Variants in ZNF540 observed in about 807,000 individuals in gnomAD.
ZNF540 encodes the protein zinc finger protein 540, also known as CTD-3064H18.6.
In ZNF540, 3 loss-of-function variants were observed where a neutral mutation model predicts 11.8. That is an observed-to-expected ratio of 0.25 (90% confidence interval 0.12 to 0.65). The LOEUF (loss-of-function observed/expected upper bound fraction) is 0.65, where lower values mean the gene tolerates loss of function less well. Among genes scored for constraint, ZNF540 ranks in the 30% least tolerant of loss-of-function variants. ZNF540 has a pLI of 0.83. For missense variants in ZNF540, 709 were observed against 793.1 expected, an observed-to-expected ratio of 0.89 and a Z score of 1.27; for synonymous variants, 247 against 259.0, an observed-to-expected ratio of 0.95 and a Z score of 0.45.
intron 4 of ZNF540, among the ~76,000 whole-genome samples, chr19:37,602,793 T>C (rs1234374955): frequency 6.6e-6 from 1 of 152,102 alleles, no homozygotes; most frequent in Non-Finnish European, 1.5e-5. Context: ...CTATAGGATA[T>C]GGCAGGAAAG....
At position 37,612,874 on chromosome 19, in the gene ZNF540, T is replaced by A; in HGVS notation, c.1594T>A (p.Phe532Ile). 1 of 1,614,116 alleles carries A rather than the reference T, an allele frequency of 6.2e-7. No homozygotes were observed. Among genetic ancestry groups the A allele is most frequent in the Non-Finnish European group, 8.5e-7 (1 of 1,179,996 alleles). ...TAAATGTAAAGAATGTGGAAAGGCC[T>A]TTATTCGTAGAGGGAATCTTAAAGA... ...PYKCKECGKAFIRRGNLKEHL... is the reference protein window; with the variant it reads ...PYKCKECGKAIIRRGNLKEHL... The change falls in exon 5 of 5, where the codon TTT (phenylalanine) becomes ATT (isoleucine). Residue 532 changes from phenylalanine (F) to isoleucine (I), a missense_variant. Coordinates refer to ENST00000316433, the MANE Select transcript of ZNF540 (RefSeq NM_001172225.3).
intron 1 of ZNF540, chr19:37,586,414 G>T: frequency 3.8e-6 from 2 of 523,520 alleles, no homozygotes; most frequent in Non-Finnish European, 6.7e-6. Context: ...TGTTCCCTCA[G>T]AGCTCTGGGC....
At chr19:37,588,099 CAAAAAAAAAAAAAA>C (rs58516591) in intron 1 of ZNF540, among the ~76,000 whole-genome samples, 2 of 45,742 alleles carry the variant, frequency 4.4e-5, no homozygotes, top group East Asian at 5.6e-4. Flanking sequence ...GACTCCATCT[CAAAAAAAAAAAAAA>C]AAAAAAAAAA....
At chr19:37,587,496 T>C (rs969077952) in intron 1 of ZNF540, 3 of 152,244 alleles carry the variant, frequency 2.0e-5, no homozygotes, top group Admixed American at 1.3e-4. Flanking sequence ...TGACAGCCAA[T>C]GTGCGCACAG....
At chr19:37,573,134 TC>T (rs1324467128) in intron 1 of ZNF540, among the ~76,000 whole-genome samples, 5 of 136,532 alleles carry the variant, frequency 3.7e-5, no homozygotes, top group Non-Finnish European at 7.0e-5. Context: ...CTCTTCCAAC[TC>T]TTTTTTTTTT....
intron 4 of ZNF540, among the ~76,000 whole-genome samples, chr19:37,604,452 T>C (rs2044067023): frequency 6.6e-6 from 1 of 151,600 alleles, no homozygotes; most frequent in Admixed American, 6.6e-5. Context: ...GGACTACAGG[T>C]GCCCACCACC....
At chr19:37,577,452 G>C (rs2043281715) in intron 1 of ZNF540, among the ~76,000 whole-genome samples, 1 of 152,012 alleles carries the variant, frequency 6.6e-6, no homozygotes, top group Non-Finnish European at 1.5e-5. Flanking sequence ...ATAGGAGAAG[G>C]GAATTTCTTC....
chr19:37,598,044 T>C (rs2044009869), intron 1 of ZNF540, among the ~76,000 whole-genome samples: 1 of 152,330 alleles, frequency 6.6e-6, no homozygotes, highest in Non-Finnish European at 1.5e-5. Context: ...CCCCTTTGGA[T>C]GGTGAGAATT....
At chr19:37,605,334 C>G (rs745929135) in intron 4 of ZNF540, among the ~76,000 whole-genome samples, 1 of 151,236 alleles carries the variant, frequency 6.6e-6, no homozygotes, top group African/African-American at 2.4e-5. Flanking sequence ...GTGGTACACA[C>G]CTGTAAAAAC....
intron 1 of ZNF540, among the ~76,000 whole-genome samples, chr19:37,566,674 C>T (rs761696425): frequency 4.6e-5 from 7 of 152,130 alleles, no homozygotes; most frequent in Non-Finnish European, 8.8e-5. Flanking sequence ...CCTCTACTAC[C>T]ACCATCCTAG....
In ZNF540 at chr19:37,611,402, T is replaced by C. The variant is rs116497104; in HGVS notation, c.233-111T>C. Reference sequence around the variant, plus strand: ...TTTATTGAAATATTCTTTAAGCCACTGACTTCTAGTAAGAACCGTTTTCAC... The same window carrying C: ...TTTATTGAAATATTCTTTAAGCCACCGACTTCTAGTAAGAACCGTTTTCAC... On this transcript the variant is annotated intron_variant, in intron 4 of 4. Coordinates refer to ENST00000316433, the MANE Select transcript of ZNF540 (RefSeq NM_001172225.3). The C allele has an allele frequency of 3.9e-3, 3,006 of 777,302 alleles. 66 individuals carry two copies. The African/African-American group carries it at 0.046, about 12-fold the overall frequency. The allele number at this position is 777,302 out of a possible 1,614,324, so 48.2% of individuals were successfully genotyped here. A position where few individuals can be genotyped will look rare whatever the true frequency, so the allele number is the denominator to read the frequency against.
At chr19:37,567,063 G>A (rs780008868) in intron 1 of ZNF540, among the ~76,000 whole-genome samples, 3 of 152,118 alleles carry the variant, frequency 2.0e-5, no homozygotes, top group Non-Finnish European at 4.4e-5. Flanking sequence ...TCTTTAGAAT[G>A]CCCTTCCTCT....
chr19:37,566,138 T>A, intron 1 of ZNF540: 1 of 1,614,054 alleles, frequency 6.2e-7, no homozygotes, highest in Non-Finnish European at 8.5e-7. Context: ...TTCTTGACCC[T>A]CTAAGTTGCC....
At chr19:37,572,428 G>C (rs943534606) in intron 1 of ZNF540, among the ~76,000 whole-genome samples, 2 of 152,170 alleles carry the variant, frequency 1.3e-5, no homozygotes, top group African/African-American at 4.8e-5. Flanking sequence ...CTCAAGACAT[G>C]AATCATCCCT....
At chr19:37,610,824 G>A (rs1568368929) in intron 4 of ZNF540, among the ~76,000 whole-genome samples, 1 of 152,074 alleles carries the variant, frequency 6.6e-6, no homozygotes, top group Non-Finnish European at 1.5e-5. Flanking sequence ...CTCAAACTTT[G>A]ATCTATATCA....
At position 37,613,324 on chromosome 19, in the gene ZNF540, A is replaced by C; in HGVS notation, c.*61A>C. 1 of 1,211,274 alleles carries C rather than the reference A, an allele frequency of 8.3e-7. No homozygotes were observed. Among genetic ancestry groups the C allele is most frequent in the Non-Finnish European group, 1.1e-6 (1 of 909,856 alleles). 75.0% of individuals were successfully genotyped at this position (1,211,274 alleles called of 1,614,324 possible). A position where few individuals can be genotyped will look rare whatever the true frequency, so the allele number is the denominator to read the frequency against. On this transcript the variant is annotated 3_prime_UTR_variant, in exon 5 of 5. Transcript: ENST00000316433. ...AGAATATCAAAATATTTATGGCCAG[A>C]AGTTCTGTCAATGTGTTGATGTTTT...
chr19:37,564,706 AG>A, intron 1 of ZNF540: 1 of 1,613,676 alleles, frequency 6.2e-7, no homozygotes. Flanking sequence ...TTTGATGCAG[AG>A]TAAGTTCTGA....
At chr19:37,563,451 CTGTAGT>C (rs747410333) in intron 1 of ZNF540, 7 of 151,668 alleles carry the variant, frequency 4.6e-5, no homozygotes, top group Non-Finnish European at 8.8e-5. Flanking sequence ...TGAGGAAAAA[CTGTAGT>C]TGGTAAATTT....
intron 2 of ZNF540, 136 bp downstream of exon 2, chr19:37,598,592 C>A: frequency 1.2e-6 from 1 of 863,850 alleles, no homozygotes; most frequent in Non-Finnish European, 1.9e-6. Context: ...CATGGGCCCC[C>A]TCTCTTTTCT....
Sources: allele counts gnomAD v4.1 joint callset (sites outside exome capture counted in the v4.1 genomes callset), GRCh38; gene constraint gnomAD v4.1.1; transcripts MANE v1.5; gene names NCBI Gene and HGNC (gene_info 2026-07-23, HGNC 2026-07-21).